The following DLG2 variants were observed in gnomAD, a reference collection of about 807,000 sequenced individuals.
The protein encoded by DLG2 is discs large MAGUK scaffold protein 2.
DLG2 carries 45 observed loss-of-function variants against 132.5 expected under a neutral mutation model. The ratio of observed to expected loss-of-function variants is 0.34; its 90% CI spans 0.27 to 0.44. The LOEUF (loss-of-function observed/expected upper bound fraction) is 0.44, where lower values mean the gene tolerates loss of function less well. DLG2 is among the 20% of genes least tolerant of loss of function. The probability of loss-of-function intolerance (pLI) is 1.00; values close to 1 mark genes in which losing one functional copy is unlikely to be tolerated. For synonymous variants in DLG2, 424 were observed against 419.6 expected (o/e 1.01, Z -0.13); for missense variants, 1,045 against 1,196.9 (o/e 0.87, Z 1.87).
intron 15 of DLG2, among the ~76,000 whole-genome samples, chr11:83,881,119 C>A (rs2066144263): frequency 6.6e-6 from 1 of 152,084 alleles, no homozygotes. Flanking sequence ...TAGAAATGAA[C>A]TCATAGTTCC....
chr11:84,445,518 C>G (rs1016271740), intron 7 of DLG2, among the ~76,000 whole-genome samples: 4 of 151,904 alleles, frequency 2.6e-5, no homozygotes, highest in Non-Finnish European at 5.9e-5. Flanking sequence ...TGCATAAATA[C>G]TTTTTTTTGC....
At chr11:84,462,943 T>TAA (rs2099084420) in intron 7 of DLG2, among the ~76,000 whole-genome samples, 1 of 151,282 alleles carries the variant, frequency 6.6e-6, no homozygotes, top group South Asian at 2.1e-4. Context: ...TTTAACAACG[T>TAA]AAGAGCTAGC....
chr11:83,699,556 A>C (rs1259215331), intron 18 of DLG2, among the ~76,000 whole-genome samples: 1 of 150,338 alleles, frequency 6.7e-6, no homozygotes, highest in African/African-American at 2.4e-5. Flanking sequence ...AAAAAAAAAA[A>C]AAAACTAGCC....
At chr11:83,936,993 G>A (rs1187289337) in intron 14 of DLG2, among the ~76,000 whole-genome samples, 2 of 152,142 alleles carry the variant, frequency 1.3e-5, no homozygotes, top group Admixed American at 6.5e-5. Flanking sequence ...TTTGAGGAAG[G>A]TTCAATATGT....
intron 18 of DLG2, among the ~76,000 whole-genome samples, chr11:83,680,485 A>G (rs1566500822): frequency 6.6e-6 from 1 of 152,144 alleles, no homozygotes; most frequent in Non-Finnish European, 1.5e-5. Context: ...TGATTTGCTG[A>G]ATCTCCTATC....
chr11:85,626,755 T>C lies in DLG2; in HGVS notation c.-259-2A>G, dbSNP rs1754145388. ...GTTTTGAAATCCAGGCTGAGTCTTCTATGTCAGACAAAGAAAATAATGATG... is the reference window on the plus strand; with the variant it reads ...GTTTTGAAATCCAGGCTGAGTCTTCCATGTCAGACAAAGAAAATAATGATG... On this transcript the variant is annotated splice_acceptor_variant, in intron 1 of 27. Transcript: ENST00000376104. LOFTEE classifies it low-confidence loss of function (5UTR_SPLICE). 2.0e-5 allele frequency: 3 copies of C among 152,222 alleles called. No homozygotes were observed. The highest frequency in any genetic ancestry group is 2.0e-4 in the Admixed American group (3 of 15,286). The allele number at this position is 152,222 out of a possible 1,614,324, so 9.4% of individuals were successfully genotyped here.
chr11:85,602,647 C>T (rs1467741713), intron 2 of DLG2, among the ~76,000 whole-genome samples: 1 of 152,106 alleles, frequency 6.6e-6, no homozygotes, highest in Non-Finnish European at 1.5e-5. Context: ...CCTTTCAAGT[C>T]ATCAACTAGA....
chr11:83,846,940 CCA>C (rs1182576458), intron 16 of DLG2, among the ~76,000 whole-genome samples: 8,154 of 58,076 alleles, frequency 0.14, 639 homozygotes, highest in East Asian at 0.4. Context: ...ATCTCCCAAG[CCA>C]AAAAAAAAAA....
intron 4 of DLG2, among the ~76,000 whole-genome samples, chr11:85,203,992 A>T (rs975742789): frequency 6.6e-6 from 1 of 152,114 alleles, no homozygotes; most frequent in Non-Finnish European, 1.5e-5. Context: ...ACATCTCTTT[A>T]TGATAAGAAC....
chr11:85,300,900 C>T (rs1167932275), intron 3 of DLG2, among the ~76,000 whole-genome samples: 2 of 151,876 alleles, frequency 1.3e-5, no homozygotes, highest in Admixed American at 6.6e-5. Flanking sequence ...ATGACAAGGA[C>T]CCTAAAAAAA....
chr11:84,754,850 G>C (rs1228171517), intron 6 of DLG2, among the ~76,000 whole-genome samples: 1 of 152,198 alleles, frequency 6.6e-6, no homozygotes, highest in African/African-American at 2.4e-5. Context: ...TTCTGGTGGG[G>C]AATGTCGTTA....
intron 4 of DLG2, among the ~76,000 whole-genome samples, chr11:85,227,081 C>G (rs779799107): frequency 2.6e-5 from 4 of 151,970 alleles, no homozygotes; most frequent in Non-Finnish European, 4.4e-5. Flanking sequence ...ATTCCCAAGG[C>G]CTGCCTTATC....
At chr11:85,368,132 G>T (rs1360972042) in intron 3 of DLG2, among the ~76,000 whole-genome samples, 4 of 152,168 alleles carry the variant, frequency 2.6e-5, no homozygotes, top group African/African-American at 9.7e-5. Context: ...TTTCATTAAA[G>T]TTAATTCTTT....
chr11:85,323,489 T>C (rs1026556150), intron 3 of DLG2, among the ~76,000 whole-genome samples: 9 of 152,222 alleles, frequency 5.9e-5, no homozygotes, highest in Non-Finnish European at 1.2e-4. Flanking sequence ...TATTTGTCAT[T>C]TCTTTGTGTT....
intron 18 of DLG2, among the ~76,000 whole-genome samples, chr11:83,690,120 A>C (rs1219175741): frequency 6.7e-6 from 1 of 149,704 alleles, no homozygotes; most frequent in East Asian, 1.9e-4. Context: ...ACACTATAAA[A>C]CATATAACAA....
At chr11:84,206,198 T>C (rs1020829520) in intron 8 of DLG2, among the ~76,000 whole-genome samples, 8 of 152,098 alleles carry the variant, frequency 5.3e-5, no homozygotes, top group African/African-American at 1.7e-4. Context: ...TAGTCCTGTA[T>C]AGTCTTGTAT....
At chr11:85,023,344 T>C (rs990187941) in intron 6 of DLG2, among the ~76,000 whole-genome samples, 1 of 152,060 alleles carries the variant, frequency 6.6e-6, no homozygotes, top group Non-Finnish European at 1.5e-5. Context: ...TAAAATTCGA[T>C]TTGCAACCCC....
chr11:85,086,593 G>C (rs2067958717), intron 6 of DLG2, among the ~76,000 whole-genome samples: 1 of 152,128 alleles, frequency 6.6e-6, no homozygotes, highest in Non-Finnish European at 1.5e-5. Context: ...ATTCAACTCT[G>C]TCTGAAGATA....
intron 6 of DLG2, among the ~76,000 whole-genome samples, chr11:85,018,805 T>G (rs892377635): frequency 1.0e-4 from 15 of 143,102 alleles, no homozygotes; most frequent in Admixed American, 4.2e-4. Context: ...TTTTTTTTTT[T>G]GTCCAAATTC....
Sources: gnomAD v4.1 joint callset for allele counts (sites outside exome capture counted in the v4.1 genomes callset) on GRCh38, gnomAD v4.1.1 for gene constraint, MANE v1.5 for transcripts, NCBI Gene and HGNC (gene_info 2026-07-23, HGNC 2026-07-21) for gene names.